ABCA2: variants seen among roughly 807,000 people sequenced by gnomAD.
ABCA2 encodes the protein ATP-binding cassette sub-family A member 2.
A neutral mutation model predicts 262.8 loss-of-function variants in ABCA2; 84 were observed. The observed-to-expected ratio is 0.32, with a 90% CI of 0.27 to 0.38. The LOEUF (loss-of-function observed/expected upper bound fraction) is 0.38, where lower values mean the gene tolerates loss of function less well. ABCA2 is among the 10% of genes least tolerant of loss of function. ABCA2 has a pLI of 1.00. For missense variants in ABCA2, 2,662 were observed against 3,405.9 expected, an observed-to-expected ratio of 0.78 and a Z score of 5.44; for synonymous variants, 1,696 against 1,502.9, an observed-to-expected ratio of 1.13 and a Z score of -2.97.
chr9:137,009,588 G>A lies in ABCA2; in HGVS notation c.6687C>T (p.Ile2229=), dbSNP rs774210228. The A allele has an allele frequency of 1.1e-5, 18 of 1,612,976 alleles. No homozygotes were observed. The highest frequency in any genetic ancestry group is 6.7e-5 in the Admixed American group (4 of 60,024). Residue 2229 remains isoleucine (I), a synonymous_variant, in exon 44 of 49, where the codon ATC becomes ATT. Coordinates refer to ENST00000341511, the MANE Select transcript of ABCA2 (RefSeq NM_001606.5). ...PKARRFLWNL[I]LDLIKTGRSV... is the part of the protein sequence containing the mutation. ...AACGCCCTGTCTTGATGAGGTCAAG[G>A]ATGAGGTTCCAGAGGAAGCGCCGGG... is the stretch of plus-strand genomic sequence containing the variant.
At chr9:137,025,081 C>T (rs536926739) in intron 1 of ABCA2, among the ~76,000 whole-genome samples, 2 of 152,342 alleles carry the variant, frequency 1.3e-5, no homozygotes, top group African/African-American at 2.4e-5. Context: ...CCCAAAGGCA[C>T]CTCTTTCTGC....
At position 137,013,269 on chromosome 9, in the gene ABCA2, G is replaced by C. The variant is rs768174682; in HGVS notation, c.4600C>G (p.Arg1534Gly). 1.0e-5 allele frequency: 16 copies of C among 1,589,314 alleles called. No individual in the cohort carries two copies. The highest frequency in any genetic ancestry group is 1.4e-5 in the Non-Finnish European group (16 of 1,173,278). Residue 1534 changes from arginine to glycine, a missense_variant, in exon 30 of 49, where the codon CGG becomes GGG. Physicochemically the swap from Arg to Gly is moderately radical, Grantham distance 125 (BLOSUM62 -2). This residue lies in a region of ABCA2 where 192 missense variants were observed against 207.2 expected (regional missense o/e 0.93). Transcript: ENST00000341511. ...ASPQQLVSTF[R>G]LPSGVGATCV... ...GTGGCACCCACCCCCGACGGCAGCC[G>C]GAACGTGCTCACGAGCTGCTGGGGG...
Position 137,017,787 on chromosome 9 carries a change from C to G in ABCA2, c.2211G>C (p.Glu737Asp). 1 of 1,612,422 alleles carries G rather than the reference C, an allele frequency of 6.2e-7. No homozygotes were observed. Among genetic ancestry groups the G allele is most frequent in the Non-Finnish European group, 8.5e-7 (1 of 1,179,760 alleles). ...CCAGGGAGAGTCCCGGCCCGCGCAC[C>G]TCCTTGAGCCGGTGCTCCTTCTCCG... ...IVAEKEHRLK[E>D]VMKTMGLNNA... The change falls in exon 16 of 49, where the codon GAG becomes GAC. Residue 737 changes from glutamate to aspartate, a missense_variant and splice_region_variant. Coordinates refer to ENST00000341511, the MANE Select transcript of ABCA2 (RefSeq NM_001606.5).
rs370257727 is a variant in ABCA2 at position 137,010,655 on chromosome 9, C to T, written c.6139G>A (p.Asp2047Asn). 1.8e-4 allele frequency: 271 copies of T among 1,542,936 alleles called. No homozygotes were observed. Among genetic ancestry groups the T allele is most frequent in the Non-Finnish European group, 2.2e-4 (252 of 1,137,004 alleles). The change falls in exon 40 of 49, where the codon GAC becomes AAC. Residue 2047 changes from aspartate to asparagine, a missense_variant. Physicochemically the swap from Asp to Asn is conservative, Grantham distance 23 (BLOSUM62 1). Coordinates refer to ENST00000341511, the MANE Select transcript of ABCA2 (RefSeq NM_001606.5). Reference sequence around the variant, plus strand: ...TTCTCAATCTTGACCATGTCATTGTCGGCGTCTCCCCGGAGCACTCGCTGC... The same window carrying T: ...TTCTCAATCTTGACCATGTCATTGTTGGCGTCTCCCCGGAGCACTCGCTGC... Reference protein sequence around the residue: ...ERQRVLRGDADNDMVKIENLT... With the variant: ...ERQRVLRGDANNDMVKIENLT...
intron 46 of ABCA2, 26 bp from the exon 47 acceptor site, chr9:137,008,894 G>A (rs755448053): frequency 1.9e-6 from 3 of 1,578,572 alleles, no homozygotes; most frequent in Non-Finnish European, 2.6e-6. Context: ...TCAGAGGCCT[G>A]GCAGCGCCCC....
chr9:137,027,962 C>T, intron 1 of ABCA2, 113 bp downstream of exon 1: 2 of 469,780 alleles, frequency 4.3e-6, no homozygotes, highest in African/African-American at 2.1e-5. Context: ...CCGCCCCCAG[C>T]GCCCGCCGGG....
At chr9:137,015,313 G>A (rs1191370986) in intron 24 of ABCA2, 101 bp downstream of exon 24, 1 of 1,383,368 alleles carries the variant, frequency 7.2e-7, no homozygotes, top group South Asian at 1.4e-5. Context: ...CCTGGGCCCA[G>A]CGGGTGACGG....
In ABCA2 at chr9:137,007,302, G is replaced by A. The variant is rs1420611316; in HGVS notation, c.*627C>T. ...TACAGGCCCGGCTCCCAGGGAGGTG[G>A]GCGGGCAGGGGGCCAAGCTGGGTGG... On this transcript the variant is annotated 3_prime_UTR_variant, in exon 49 of 49. Transcript: ENST00000341511. 6.3e-6 allele frequency: 1 copy of A among 158,820 alleles called. No homozygotes were observed. Among genetic ancestry groups the A allele is most frequent in the African/African-American group, 2.4e-5 (1 of 41,470 alleles). 9.8% of individuals were successfully genotyped at this position (158,820 alleles called of 1,614,324 possible).
intron 22 of ABCA2, 28 bp downstream of exon 22, chr9:137,015,934 T>TGGGGGGGGGGGGGGCG: frequency 1.5e-6 from 1 of 654,356 alleles, no homozygotes; most frequent in Non-Finnish European, 2.1e-6. Context: ...TCCGCCCACC[T>TGGGGGGGGGGGGGGCG]GCCCCGCCCC....
chr9:137,008,047 G>T, intron 48 of ABCA2, 83 bp from the exon 49 acceptor site: 5 of 1,521,982 alleles, frequency 3.3e-6, no homozygotes, highest in South Asian at 1.2e-5. Flanking sequence ...GGCCCGCCCC[G>T]GCCCTCCTGC....
chr9:137,022,142 TG>T lies in ABCA2; in HGVS notation c.568-142del, dbSNP rs1433651727. The T allele has an allele frequency of 9.4e-4, 145 of 154,804 alleles. 1 individual carries two copies. Among genetic ancestry groups the T allele is most frequent in the Non-Finnish European group, 1.3e-3 (126 of 99,868 alleles). 9.6% of individuals were successfully genotyped at this position (154,804 alleles called of 1,614,324 possible). A position where few individuals can be genotyped will look rare whatever the true frequency, so the allele number is the denominator to read the frequency against. ...GAGAGTGGGGGCGTGGCTCAGATGG[TG>T]GGGGCGTGGCTCCGATGTAGGTGTG... is the stretch of plus-strand genomic sequence containing the variant. On this transcript the variant is annotated intron_variant, in intron 6 of 48. Coordinates refer to ENST00000341511, the MANE Select transcript of ABCA2 (RefSeq NM_001606.5).
intron 1 of ABCA2, among the ~76,000 whole-genome samples, chr9:137,025,679 C>T (rs2131474594): frequency 6.6e-6 from 1 of 152,358 alleles, no homozygotes; most frequent in East Asian, 1.9e-4. Flanking sequence ...GCGAGGGTGG[C>T]TGCAGGAGTG....
Position 137,018,803 on chromosome 9 carries a change from T to C in ABCA2, c.1735A>G (p.Ile579Val). The part of the protein sequence containing the change: ...IQFMSKVSVD[I>V]FKGFPDEESI... ...TCCTCGTCGGGGAAGCCCTTGAAGA[T>C]GTCCACGCTCACCTAGCGGGAGGGG... Residue 579 changes from isoleucine (I) to valine (V), a missense_variant, in exon 13 of 49, where the codon ATC (isoleucine) becomes GTC (valine). This residue lies in a region of ABCA2 where 187 missense variants were observed against 205.9 expected (regional missense o/e 0.91). Coordinates refer to ENST00000341511, the MANE Select transcript of ABCA2 (RefSeq NM_001606.5). The C allele has an allele frequency of 2.5e-6, 4 of 1,612,650 alleles. No individual in the cohort carries two copies. Among genetic ancestry groups the C allele is most frequent in the Non-Finnish European group, 3.4e-6 (4 of 1,179,846 alleles).
At position 137,022,845 on chromosome 9, in the gene ABCA2, C is replaced by A. The variant is rs752161404; in HGVS notation, c.296G>T (p.Arg99Leu). The part of the protein sequence containing the change: ...ANSTVTQLLE[R>L]LDRVVEEGNL... ...GCCTTCCTCCACCACGCGGTCCAGG[C>A]GCTCAAGCAGCTGCGTGACCCTGCA... is the stretch of plus-strand genomic sequence containing the variant. The change falls in exon 5 of 49, where the codon CGC (arginine) becomes CTC (leucine). Residue 99 changes from arginine (R) to leucine (L), a missense_variant. This residue lies in a region of ABCA2 where 101 missense variants were observed against 152.3 expected (regional missense o/e 0.66). Transcript: ENST00000341511. 6.9e-6 allele frequency: 11 copies of A among 1,583,408 alleles called. No individual in the cohort carries two copies. Among genetic ancestry groups the A allele is most frequent in the Non-Finnish European group, 9.4e-6 (11 of 1,165,642 alleles).
Position 137,009,331 on chromosome 9 carries a change from G to A in ABCA2, c.6827+39C>T. Reference sequence around the variant, plus strand: ...CCCCGCTGCCTGGCCGCCCCCCCCGGGCCCGCCCCAGCCCACCCCTGGCCC... The same window carrying A: ...CCCCGCTGCCTGGCCGCCCCCCCCGAGCCCGCCCCAGCCCACCCCTGGCCC... On this transcript the variant is annotated intron_variant, in intron 45 of 48. Coordinates refer to ENST00000341511, the MANE Select transcript of ABCA2 (RefSeq NM_001606.5). 3 of 948,242 alleles carry A rather than the reference G, an allele frequency of 3.2e-6. No homozygotes were observed. In the South Asian group the frequency reaches 4.3e-5, roughly 13 times the overall value. The allele number at this position is 948,242 out of a possible 1,614,324, so 58.7% of individuals were successfully genotyped here.
At position 137,013,239 on chromosome 9, in the gene ABCA2, C is replaced by T; in HGVS notation, c.4630G>A (p.Val1544Met). The change falls in exon 30 of 49, where the codon GTG becomes ATG. Residue 1544 changes from valine (V) to methionine (M), a missense_variant. Physicochemically the swap from Val to Met is conservative, Grantham distance 21. Transcript: ENST00000341511. ...RLPSGVGATC[V>M]LKSPANGSLG... ...GAGCCGTTGGCGGGAGACTTGAGCA[C>T]GCAGGTGGCACCCACCCCCGACGGC... 4 of 1,600,108 alleles carry T rather than the reference C, an allele frequency of 2.5e-6. No individual in the cohort carries two copies. Among genetic ancestry groups the T allele is most frequent in the East Asian group, 2.2e-5 (1 of 44,484 alleles).
At position 137,022,006 on chromosome 9, in the gene ABCA2, G is replaced by A. The variant is rs1312980263; in HGVS notation, c.568-5C>T. 2.7e-6 allele frequency: 2 copies of A among 748,552 alleles called. No homozygotes were observed. The highest frequency in any genetic ancestry group is 4.0e-6 in the Non-Finnish European group (2 of 495,826). 46.4% of individuals were successfully genotyped at this position (748,552 alleles called of 1,614,324 possible). ...ACCAAAGAGCAGGTGGTAGACCTAGGAGGTGTGGGGGAATGGCTCAGATGG... is the reference window on the plus strand; with the variant it reads ...ACCAAAGAGCAGGTGGTAGACCTAGAAGGTGTGGGGGAATGGCTCAGATGG... On this transcript the variant is annotated splice_polypyrimidine_tract_variant and splice_region_variant and intron_variant, in intron 6 of 48. Transcript: ENST00000341511.
chr9:137,008,485 T>C lies in ABCA2; in HGVS notation c.7206A>G (p.Ala2402=), dbSNP rs1419261508. 1.3e-6 allele frequency: 2 copies of C among 1,571,936 alleles called. No individual in the cohort carries two copies. The highest frequency in any genetic ancestry group is 2.7e-5 in the African/African-American group (2 of 73,984). Reference sequence around the variant, plus strand: ...GGTCCTCGGGCTCGTCTGCCACAAGTGCCCGGAGCTCCGTGGGGGCAGACC... The same window carrying C: ...GGTCCTCGGGCTCGTCTGCCACAAGCGCCCGGAGCTCCGTGGGGGCAGACC... ...RPRSAPTELR[A]LVADEPEDLD... Residue 2402 remains alanine, a synonymous_variant, in exon 48 of 49, where the codon GCA becomes GCG. Transcript: ENST00000341511.
Position 137,018,254 on chromosome 9 carries a change from G to T in ABCA2, c.1917C>A (p.Ile639=), listed in dbSNP as rs1428671020. 1 of 1,611,246 alleles carries T rather than the reference G, an allele frequency of 6.2e-7. No homozygotes were observed. The change falls in exon 14 of 49, where the codon ATC becomes ATA. Residue 639 remains isoleucine (I), a synonymous_variant. Coordinates refer to ENST00000341511, the MANE Select transcript of ABCA2 (RefSeq NM_001606.5). The part of the protein sequence containing the change: ...NSSFTEKTNE[I]RRAYWRPGPN... ...GCCCAGGCCGCCAGTAGGCGCGGCG[G>T]ATCTCGTTGGTTTTCTCGGTGAAGC...
Sources: gnomAD v4.1 joint callset for allele counts (sites outside exome capture counted in the v4.1 genomes callset) on GRCh38, gnomAD v4.1.1 for gene constraint, gnomAD v4.1.1 regional missense constraint, MANE v1.5 for transcripts, NCBI Gene and HGNC (gene_info 2026-07-23, HGNC 2026-07-21) for gene names.